SELENON: variants seen among roughly 807,000 people sequenced by gnomAD.
The protein encoded by SELENON is selenoprotein N.
In SELENON, 44 loss-of-function variants were observed where a neutral mutation model predicts 59.5. The ratio of observed to expected loss-of-function variants is 0.74; its 90% CI spans 0.58 to 0.95. The LOEUF is 0.95. Among genes scored for constraint, SELENON ranks in the 40% least tolerant of loss-of-function variants. The pLI, the probability that SELENON is intolerant of heterozygous loss-of-function variation, is 0.00. For missense variants in SELENON, 674 were observed against 721.4 expected (o/e 0.93, Z 0.75); for synonymous variants, 320 against 305.6 (o/e 1.05, Z -0.49).
intron 9 of SELENON, 71 bp downstream of exon 8, chr1:25,811,950 C>T: frequency 6.8e-7 from 1 of 1,470,262 alleles, no homozygotes; most frequent in Non-Finnish European, 9.3e-7. Context: ...GGAGCAGCAG[C>T]TGGGCACAGA....
intron 4 of SELENON, among the ~76,000 whole-genome samples, chr1:25,805,603 G>A (rs978397629): frequency 6.6e-6 from 1 of 151,954 alleles, no homozygotes; most frequent in African/African-American, 2.4e-5. Flanking sequence ...GTGCAGTAGA[G>A]ACCCTGTTAG....
intron 3 of SELENON, among the ~76,000 whole-genome samples, chr1:25,804,642 CCG>C (rs1448679405): frequency 4.4e-4 from 18 of 40,538 alleles, no homozygotes; most frequent in African/African-American, 1.6e-3. Flanking sequence ...AATGCCCCCC[CCG>C]CCCCCCCCCC....
In SELENON at chr1:25,817,340, G is replaced by C. The variant is rs1057515432; in HGVS notation, c.*1622G>C. Reference sequence around the variant, plus strand: ...AGCAATTCTCTTGCCTCAGCCTCCCGAGTAGCTGGGATTACAGGTGCATGC... The same window carrying C: ...AGCAATTCTCTTGCCTCAGCCTCCCCAGTAGCTGGGATTACAGGTGCATGC... On this transcript the variant is annotated 3_prime_UTR_variant, in exon 13 of 13. Coordinates refer to ENST00000361547, the MANE Select transcript of SELENON (RefSeq NM_020451.3). The C allele has an allele frequency of 6.6e-6, 1 of 152,216 alleles. No individual in the cohort carries two copies. Among genetic ancestry groups the C allele is most frequent in the East Asian group, 1.9e-4 (1 of 5,194 alleles). The allele number at this position is 152,216 out of a possible 1,614,324, so 9.4% of individuals were successfully genotyped here.
At chr1:25,813,427 AC>A in intron 10 of SELENON, 1 of 333,288 alleles carries the variant, frequency 3.0e-6, no homozygotes, top group Non-Finnish European at 5.9e-6. Flanking sequence ...CAGTACAAGC[AC>A]GGTGAGTGTT....
chr1:25,815,914 G>A lies in SELENON; in HGVS notation c.*196G>A. 1 of 598,000 alleles carries A rather than the reference G, an allele frequency of 1.7e-6. No individual in the cohort carries two copies. Among genetic ancestry groups the A allele is most frequent in the Non-Finnish European group, 3.0e-6 (1 of 336,660 alleles). 37.0% of individuals were successfully genotyped at this position (598,000 alleles called of 1,614,324 possible). ...TAGACAAGGGATGCCTGGGCTGACT[G>A]GGCAGAGGAACCTCTAGCTCTGACT... On this transcript the variant is annotated 3_prime_UTR_variant, in exon 13 of 13. Coordinates refer to ENST00000361547, the MANE Select transcript of SELENON (RefSeq NM_020451.3).
rs121908185 is a variant in SELENON, at chr1:25,813,890, G to A, written c.1397G>A (p.Arg466Gln). The stretch of plus-strand genomic sequence containing the variant: ...CTGTCTTCCTGAACAGGTTCAGGGC[G>A]GACTCTCCGGGAGACTGTCCTGGAA... Residue 466 changes from arginine (R) to glutamine (Q), a missense_variant, in exon 11 of 13, where the codon CGG becomes CAG. Coordinates refer to ENST00000361547, the MANE Select transcript of SELENON (RefSeq NM_020451.3). The A allele has an allele frequency of 1.1e-4, 184 of 1,613,804 alleles. No homozygotes were observed. Among genetic ancestry groups the A allele is most frequent in the Non-Finnish European group, 1.4e-4 (171 of 1,179,868 alleles).
chr1:25,803,383 G>A (rs896582629), intron 3 of SELENON, among the ~76,000 whole-genome samples: 1 of 152,114 alleles, frequency 6.6e-6, no homozygotes, highest in Non-Finnish European at 1.5e-5. Context: ...CAAAGGGCAG[G>A]GGGAATCAAA....
At position 25,812,799 on chromosome 1, in the gene SELENON, G is replaced by C; in HGVS notation, c.1387+7G>C. On this transcript the variant is annotated splice_region_variant and intron_variant, in intron 10 of 12. Coordinates refer to ENST00000361547, the MANE Select transcript of SELENON (RefSeq NM_020451.3). ...GATGACCAGTCCTGCTGAGGTGAGG[G>C]GCCCGGCTGGATCTAAGGGGAGCAG... The C allele has an allele frequency of 1.9e-6, 3 of 1,604,638 alleles. No homozygotes were observed. Among genetic ancestry groups the C allele is most frequent in the Non-Finnish European group, 2.6e-6 (3 of 1,173,164 alleles).
At chr1:25,805,797 C>T (rs991296379) in intron 4 of SELENON, among the ~76,000 whole-genome samples, 3 of 152,096 alleles carry the variant, frequency 2.0e-5, no homozygotes, top group Admixed American at 6.5e-5. Flanking sequence ...GGGGAGGGCA[C>T]CTGAGAAGGT....
intron 4 of SELENON, 113 bp downstream of exon 3, chr1:25,805,388 T>G: frequency 2.8e-6 from 4 of 1,431,258 alleles, no homozygotes; most frequent in Non-Finnish European, 3.9e-6. Context: ...AGCCAGGCCC[T>G]GGAGGTCCAT....
chr1:25,806,619 G>A (rs749282073), intron 4 of SELENON, among the ~76,000 whole-genome samples: 1 of 152,090 alleles, frequency 6.6e-6, no homozygotes, highest in Non-Finnish European at 1.5e-5. Flanking sequence ...TAGAGAATGA[G>A]GTCAGTCTGC....
chr1:25,800,242 C>A lies in SELENON; in HGVS notation c.12C>A (p.Ala4=), dbSNP rs1465332394. 1 of 865,598 alleles carries A rather than the reference C, an allele frequency of 1.2e-6. No homozygotes were observed. Among genetic ancestry groups the A allele is most frequent in the South Asian group, 5.1e-5 (1 of 19,636 alleles). The allele number at this position is 865,598 out of a possible 1,614,324, so 53.6% of individuals were successfully genotyped here. The change falls in exon 1 of 13, where the codon GCC becomes GCA. Residue 4 remains alanine (A), a synonymous_variant. Coordinates refer to ENST00000361547, the MANE Select transcript of SELENON (RefSeq NM_020451.3). The stretch of plus-strand genomic sequence containing the variant: ...CGCCAGCCGCAGCCATGGGCCGGGC[C>A]CGGCCGGGCCAACGCGGGCCGCCCA...
chr1:25,812,897 C>A, intron 10 of SELENON, 105 bp downstream of exon 9: 1 of 889,096 alleles, frequency 1.1e-6, no homozygotes, highest in Non-Finnish European at 1.8e-6. Context: ...GTTGTGAGGG[C>A]CTCAGGGACT....
chr1:25,812,938 G>A (rs2047979323), intron 10 of SELENON, 146 bp downstream of exon 9: 1 of 640,420 alleles, frequency 1.6e-6, no homozygotes, highest in African/African-American at 1.8e-5. Flanking sequence ...GTGAGGGCTT[G>A]GGGGTTTCTG....
chr1:25,811,247 C>T (rs1295154746), intron 7 of SELENON, among the ~76,000 whole-genome samples: 1 of 152,214 alleles, frequency 6.6e-6, no homozygotes. Context: ...GAAGTGGCTC[C>T]AGTGCCTTAG....
Position 25,816,837 on chromosome 1 carries a change from C to T in SELENON, c.*1119C>T, listed in dbSNP as rs899167177. ...GGCAGCAGCCCCATGATGGCTGAAT[C>T]CGAAATCCTCGATGGGTCCAGCTTG... is the stretch of plus-strand genomic sequence containing the variant. On this transcript the variant is annotated 3_prime_UTR_variant, in exon 13 of 13. Coordinates refer to ENST00000361547, the MANE Select transcript of SELENON (RefSeq NM_020451.3). 5 of 152,780 alleles carry T rather than the reference C, an allele frequency of 3.3e-5. No individual in the cohort carries two copies. Among genetic ancestry groups the T allele is most frequent in the African/African-American group, 1.2e-4 (5 of 41,580 alleles). 9.5% of individuals were successfully genotyped at this position (152,780 alleles called of 1,614,324 possible).
At chr1:25,808,518 G>A in intron 4 of SELENON, 62 bp from the exon 4 acceptor site, 1 of 1,592,826 alleles carries the variant, frequency 6.3e-7, no homozygotes, top group South Asian at 1.1e-5. Context: ...CCACCCACAT[G>A]GTACAGGAGA....
At chr1:25,801,272 T>A (rs2124437990) in intron 2 of SELENON, 112 bp downstream of exon 2, 1 of 842,406 alleles carries the variant, frequency 1.2e-6, no homozygotes, top group Middle Eastern at 2.9e-4. Context: ...TCAGAGGCCC[T>A]GGACTCCTCC....
intron 7 of SELENON, among the ~76,000 whole-genome samples, chr1:25,810,463 G>A (rs2047948507): frequency 6.6e-6 from 1 of 152,230 alleles, no homozygotes; most frequent in Admixed American, 6.5e-5. Flanking sequence ...AGTGGCCACC[G>A]AGTGGGCCTG....
Sources: allele counts gnomAD v4.1 joint callset (sites outside exome capture counted in the v4.1 genomes callset), GRCh38; gene constraint gnomAD v4.1.1; transcripts MANE v1.5; gene names NCBI Gene and HGNC (gene_info 2026-07-23, HGNC 2026-07-21).